The following PTK2 variants were observed in gnomAD, a reference collection of about 807,000 sequenced individuals.
The protein encoded by PTK2 is protein tyrosine kinase 2, also known as focal adhesion kinase 1.
PTK2 carries 45 observed loss-of-function variants against 150.1 expected under a neutral mutation model. The observed-to-expected ratio is 0.30, with a 90% CI of 0.24 to 0.38. The LOEUF (loss-of-function observed/expected upper bound fraction) is 0.38. PTK2 is among the 10% of genes least tolerant of loss of function. The pLI is 1.00. For synonymous variants in PTK2, 432 were observed against 449.2 expected, an observed-to-expected ratio of 0.96 and a Z score of 0.48; for missense variants, 919 against 1,307.3, an observed-to-expected ratio of 0.70 and a Z score of 4.58.
At chr8:140,773,746 T>C (rs1445022174) in intron 14 of PTK2, among the ~76,000 whole-genome samples, 3 of 152,174 alleles carry the variant, frequency 2.0e-5, no homozygotes, top group Non-Finnish European at 4.4e-5. Flanking sequence ...TTCTAAATGA[T>C]GTCAAGAGTC....
intron 23 of PTK2, among the ~76,000 whole-genome samples, chr8:140,714,212 T>C (rs984138713): frequency 1.3e-5 from 2 of 152,196 alleles, no homozygotes; most frequent in Admixed American, 6.5e-5. Context: ...ATTTTGAATC[T>C]TGATTGGGAA....
intron 23 of PTK2, among the ~76,000 whole-genome samples, chr8:140,715,347 A>G (rs546491258): frequency 2.0e-5 from 3 of 151,148 alleles, no homozygotes; most frequent in African/African-American, 4.9e-5. Context: ...TGATTTTTGT[A>G]TATTAGTAGA....
chr8:140,659,345 T>C (rs888861987), exon 32 of PTK2: 24 of 737,274 alleles, frequency 3.3e-5, no homozygotes, highest in African/African-American at 9.0e-5. Flanking sequence ...CAGATGGTCA[T>C]TCAAAAAAGT....
Position 140,706,109 on chromosome 8 carries a change from A to C in PTK2, c.2229+10T>G, listed in dbSNP as rs767506606. 3 of 1,583,950 alleles carry C rather than the reference A, an allele frequency of 1.9e-6. No individual in the cohort carries two copies. The highest frequency in any genetic ancestry group is 1.3e-5 in the African/African-American group (1 of 74,238). On this transcript the variant is annotated intron_variant, in intron 24 of 31. Coordinates refer to ENST00000522684, the Ensembl canonical transcript of PTK2. ...AATAACACAGTTTATATCTGTAATG[A>C]CTGGCATACCTGGTAATGATTGGTT...
intron 1 of PTK2, among the ~76,000 whole-genome samples, chr8:140,936,868 T>C (rs997048869): frequency 5.3e-5 from 8 of 152,108 alleles, no homozygotes; most frequent in African/African-American, 1.9e-4. Context: ...AACATCTTTT[T>C]TTTTTAACTT....
At position 140,875,852 on chromosome 8, in the gene PTK2, T is replaced by C. The variant is rs187922338; in HGVS notation, c.362+3619A>G. On this transcript the variant is annotated intron_variant, in intron 4 of 31. Transcript: ENST00000522684. ...AAGAAAACAGGTTACTGGAGCACCC[T>C]AACATTTAAAGGCCAAACAGTTCAG... Among the ~76,000 whole-genome samples, 694 of 152,216 alleles carry C rather than the reference T, an allele frequency of 4.6e-3. 4 individuals carry two copies. The highest frequency in any genetic ancestry group is 0.016 in the African/African-American group (650 of 41,540).
intron 12 of PTK2, among the ~76,000 whole-genome samples, chr8:140,793,714 C>T (rs906125683): frequency 2.0e-5 from 3 of 152,182 alleles, no homozygotes; most frequent in Admixed American, 2.0e-4. Context: ...GTCAAAGGAC[C>T]AGGCATTCTG....
intron 10 of PTK2, among the ~76,000 whole-genome samples, chr8:140,808,558 G>C (rs2100099470): frequency 6.6e-6 from 1 of 152,038 alleles, no homozygotes; most frequent in African/African-American, 2.4e-5. Context: ...CTGTGAAACA[G>C]TTAACATTTA....
intron 1 of PTK2, among the ~76,000 whole-genome samples, chr8:140,959,346 C>CA (rs2100182276): frequency 6.8e-6 from 1 of 146,444 alleles, no homozygotes; most frequent in African/African-American, 2.5e-5. Flanking sequence ...CTGGCTAACA[C>CA]AGTGAAACCC....
chr8:140,704,665 C>T (rs928013417), intron 24 of PTK2, among the ~76,000 whole-genome samples: 1 of 152,254 alleles, frequency 6.6e-6, no homozygotes, highest in Middle Eastern at 3.4e-3. Context: ...TGGGGCCCAT[C>T]TGCTTGTCTG....
chr8:140,933,162 T>A (rs1253704260), intron 1 of PTK2, among the ~76,000 whole-genome samples: 1 of 147,902 alleles, frequency 6.8e-6, no homozygotes, highest in Admixed American at 6.9e-5. Flanking sequence ...CCTGACTTTT[T>A]AAAACCAGGA....
intron 14 of PTK2, among the ~76,000 whole-genome samples, chr8:140,767,754 G>A (rs912149129): frequency 1.3e-5 from 2 of 152,180 alleles, no homozygotes; most frequent in African/African-American, 2.4e-5. Flanking sequence ...ATACAGGCAG[G>A]AGCCACTGCA....
chr8:140,809,620 C>T (rs2100100234), intron 10 of PTK2, among the ~76,000 whole-genome samples: 1 of 152,150 alleles, frequency 6.6e-6, no homozygotes, highest in African/African-American at 2.4e-5. Context: ...GCTTGGGCAA[C>T]ATGGCAAAAC....
chr8:140,741,519 C>T (rs1248404451), intron 20 of PTK2, among the ~76,000 whole-genome samples: 1 of 151,120 alleles, frequency 6.6e-6, no homozygotes, highest in African/African-American at 2.4e-5. Flanking sequence ...TAGTGACAGG[C>T]AATAATATAC....
intron 5 of PTK2, among the ~76,000 whole-genome samples, chr8:140,848,237 C>A (rs1246517155): frequency 1.3e-5 from 2 of 152,214 alleles, no homozygotes; most frequent in Non-Finnish European, 2.9e-5. Context: ...GATGAGCATA[C>A]TCTCTTTAAC....
upstream of PTK2, among the ~76,000 whole-genome samples, chr8:141,001,803 C>T (rs118063810): frequency 2.7e-4 from 41 of 152,374 alleles, no homozygotes; most frequent in Non-Finnish European, 2.4e-4. Flanking sequence ...CCGACCCTAA[C>T]GAGCGGTTCC....
chr8:140,731,945 G>A (rs941197252), intron 22 of PTK2, among the ~76,000 whole-genome samples: 1 of 152,096 alleles, frequency 6.6e-6, no homozygotes, highest in African/African-American at 2.4e-5. Context: ...TAAAGATGAG[G>A]GGAATCCCAC....
At chr8:140,770,593 A>G in intron 14 of PTK2, 123 bp downstream of exon 15, 1 of 296,912 alleles carries the variant, frequency 3.4e-6, no homozygotes, top group Non-Finnish European at 5.3e-6. Context: ...AATGAACAGC[A>G]CATACACTAA....
chr8:140,864,928 A>G (rs1281171990), intron 4 of PTK2, among the ~76,000 whole-genome samples: 1 of 152,202 alleles, frequency 6.6e-6, no homozygotes, highest in Non-Finnish European at 1.5e-5. Context: ...TTTCGGTTGC[A>G]TATATACCTA....
Sources: gnomAD v4.1 joint callset for allele counts (sites outside exome capture counted in the v4.1 genomes callset) on GRCh38, gnomAD v4.1.1 for gene constraint, MANE v1.5 for transcripts, NCBI Gene and HGNC (gene_info 2026-07-23, HGNC 2026-07-21) for gene names.